Variants in GCSAM observed in about 807,000 individuals in gnomAD.
GCSAM encodes the protein germinal center associated signaling and motility.
A neutral mutation model predicts 17.6 loss-of-function variants in GCSAM; 8 were observed. That is an observed-to-expected ratio of 0.46 (90% CI 0.27 to 0.82). The LOEUF is 0.82. GCSAM is among the 40% of genes least tolerant of loss of function. The pLI, the probability that GCSAM is intolerant of heterozygous loss-of-function variation, is 0.15. For missense variants in GCSAM, 192 were observed against 213.5 expected (o/e 0.90, Z 0.63); for synonymous variants, 68 against 69.0 (o/e 0.98, Z 0.07).
At chr3:112,127,243 C>T (rs981429204) in intron 3 of GCSAM, among the ~76,000 whole-genome samples, 7 of 152,158 alleles carry the variant, frequency 4.6e-5, no homozygotes, top group African/African-American at 1.4e-4. Context: ...TCTCTCTCTC[C>T]TCCTCTCTTT....
chr3:112,127,028 T>C lies in GCSAM; in HGVS notation c.149A>G (p.Lys50Arg), dbSNP rs769119036. 7 of 1,580,510 alleles carry C rather than the reference T, an allele frequency of 4.4e-6. No individual in the cohort carries two copies. In the South Asian group the frequency reaches 7.9e-5, roughly 18 times the overall value. Residue 50 changes from lysine to arginine, a missense_variant, in exon 4 of 6, where the codon AAA becomes AGA. Coordinates refer to ENST00000308910, the MANE Select transcript of GCSAM (RefSeq NM_152785.5). ...TTGCCTCTTTTCAAAAATGAGTATT[T>C]TTTTCCTGTAAAAGAAAAGCAAAGC... ...AEGCFCLPWK[K>R]ILIFEKRQDS...
In GCSAM at chr3:112,127,553, A is replaced by G. The variant is rs145283048; in HGVS notation, c.143+464T>C. On this transcript the variant is annotated intron_variant, in intron 3 of 5. Coordinates refer to ENST00000308910, the MANE Select transcript of GCSAM (RefSeq NM_152785.5). Reference sequence around the variant, plus strand: ...GAACATCTGCTGTGAGGGTAACCCTATGTCCTGGTTTGCCTCAGTCTGGTG... The same window carrying G: ...GAACATCTGCTGTGAGGGTAACCCTGTGTCCTGGTTTGCCTCAGTCTGGTG... Among the ~76,000 whole-genome samples, 358 of 152,328 alleles carry G rather than the reference A, an allele frequency of 2.4e-3. 10 individuals are homozygous for G. The South Asian group carries it at 0.032, about 14-fold the overall frequency.
chr3:112,123,719 A>T lies in GCSAM; in HGVS notation c.273T>A (p.His91Gln). 1 of 1,613,968 alleles carries T rather than the reference A, an allele frequency of 6.2e-7. No individual in the cohort carries two copies. Among genetic ancestry groups the T allele is most frequent in the Non-Finnish European group, 8.5e-7 (1 of 1,179,862 alleles). Residue 91 changes from histidine to glutamine, a missense_variant, in exon 6 of 6, where the codon CAT becomes CAA. By Grantham distance (24) the His-to-Gln change is conservative. Coordinates refer to ENST00000308910, the MANE Select transcript of GCSAM (RefSeq NM_152785.5). The part of the protein sequence containing the change: ...SEELCYTLIN[H>Q]RVLCTRPSGN... ...CTGATGGCCTTGTACAGAGAACCCG[A>T]TGATTGATGAGGGTATAGCACAGCT... is the stretch of plus-strand genomic sequence containing the variant.
chr3:112,123,797 T>C (rs1444005414), intron 5 of GCSAM, 25 bp from the exon 6 acceptor site: 1 of 1,597,144 alleles, frequency 6.3e-7, no homozygotes, highest in Non-Finnish European at 8.5e-7. Flanking sequence ...AGAACCATCA[T>C]CAAGATTTGG....
chr3:112,125,526 T>C (rs1369288320), intron 4 of GCSAM, among the ~76,000 whole-genome samples: 3 of 152,220 alleles, frequency 2.0e-5, no homozygotes, highest in Non-Finnish European at 4.4e-5. Flanking sequence ...CCAGCTCTCT[T>C]TCCCTCCTTA....
intron 1 of GCSAM, among the ~76,000 whole-genome samples, chr3:112,131,897 C>A (rs977799307): frequency 6.6e-6 from 1 of 152,088 alleles, no homozygotes; most frequent in African/African-American, 2.4e-5. Flanking sequence ...GTCCAAATAG[C>A]ATAAGATGTG....
chr3:112,132,428 A>G (rs752567077), intron 1 of GCSAM, among the ~76,000 whole-genome samples: 1 of 152,194 alleles, frequency 6.6e-6, no homozygotes, highest in African/African-American at 2.4e-5. Flanking sequence ...CGGCTTTGAT[A>G]TTAAGGAAGA....
intron 1 of GCSAM, chr3:112,132,623 T>A: frequency 1.0e-6 from 1 of 985,016 alleles, no homozygotes; most frequent in Non-Finnish European, 1.2e-6. Flanking sequence ...TTAATCTAGA[T>A]GACCTCTGCT....
At chr3:112,126,836 G>A in intron 4 of GCSAM, 151 bp downstream of exon 4, 1 of 655,194 alleles carries the variant, frequency 1.5e-6, no homozygotes, top group Non-Finnish European at 2.7e-6. Flanking sequence ...CATCTACTGA[G>A]GACAAAGGAC....
chr3:112,128,009 C>T lies in GCSAM; in HGVS notation c.143+8G>A, dbSNP rs779981321. 1.2e-6 allele frequency: 2 copies of T among 1,612,388 alleles called. No homozygotes were observed. The highest frequency in any genetic ancestry group is 2.2e-5 in the South Asian group (2 of 91,014). ...GGAAATAACTCCTAAAAACAACTGT[C>T]CACTCACCATGGAAGGCAGAAACAC... On this transcript the variant is annotated splice_region_variant and intron_variant, in intron 3 of 5. Coordinates refer to ENST00000308910, the MANE Select transcript of GCSAM (RefSeq NM_152785.5).
intron 4 of GCSAM, among the ~76,000 whole-genome samples, chr3:112,125,945 A>G (rs971007424): frequency 3.3e-5 from 5 of 152,196 alleles, no homozygotes; most frequent in Admixed American, 6.5e-5. Context: ...AAACACACCA[A>G]TTCCATAAAC....
intron 3 of GCSAM, 103 bp from the exon 4 acceptor site, chr3:112,127,136 T>C: frequency 1.4e-6 from 1 of 691,038 alleles, no homozygotes; most frequent in East Asian, 2.7e-5. Context: ...TAAAGTTATA[T>C]ACCTTTTATA....
At position 112,130,513 on chromosome 3, in the gene GCSAM, C is replaced by A; in HGVS notation, c.30G>T (p.Arg10Ser). Residue 10 changes from arginine to serine, a missense_variant and splice_region_variant, in exon 2 of 6, where the codon AGG (arginine) becomes AGT (serine). Transcript: ENST00000308910. Reference sequence around the variant, plus strand: ...GCATCTCTTGAGTGTTCTGCTGCCGCCTGAAACTCAACATATCAGAAACAG... The same window carrying A: ...GCATCTCTTGAGTGTTCTGCTGCCGACTGAAACTCAACATATCAGAAACAG... MGNSLLREN[R>S]RQQNTQEMPW... is the part of the protein sequence containing the mutation. The A allele has an allele frequency of 6.2e-7, 1 of 1,613,782 alleles. No individual in the cohort carries two copies. The highest frequency in any genetic ancestry group is 8.5e-7 in the Non-Finnish European group (1 of 1,179,734).
Position 112,130,668 on chromosome 3 carries a change from C to T in GCSAM, c.30-155G>A, listed in dbSNP as rs190960221. 2.1e-4 allele frequency: 139 copies of T among 675,952 alleles called. No individual in the cohort carries two copies. The African/African-American group carries it at 2.3e-3, about 11-fold the overall frequency. The allele number at this position is 675,952 out of a possible 1,614,324, so 41.9% of individuals were successfully genotyped here. Reference sequence around the variant, plus strand: ...CACATGTTAATACTGTTTCCTCAAGCACATGTCGCAAGCTACCTTTGATCT... The same window carrying T: ...CACATGTTAATACTGTTTCCTCAAGTACATGTCGCAAGCTACCTTTGATCT... On this transcript the variant is annotated intron_variant, in intron 1 of 5. Coordinates refer to ENST00000308910, the MANE Select transcript of GCSAM (RefSeq NM_152785.5).
chr3:112,126,965 T>C (rs766010608), intron 4 of GCSAM, 22 bp downstream of exon 4: 1 of 1,514,376 alleles, frequency 6.6e-7, no homozygotes, highest in Non-Finnish European at 9.1e-7. Flanking sequence ...AAAGTGAAAA[T>C]ACTAGGAAAT....
intron 1 of GCSAM, 122 bp downstream of exon 1, chr3:112,132,970 C>T (rs950528): frequency 0.4 from 393,949 of 980,384 alleles, 79,529 homozygotes; most frequent in Admixed American, 0.47. Context: ...TGGCAGTTTC[C>T]TTACCCAACT....
Position 112,130,458 on chromosome 3 carries a change from G to C in GCSAM, c.85C>G (p.Gln29Glu). The C allele has an allele frequency of 6.2e-7, 1 of 1,613,960 alleles. No individual in the cohort carries two copies. The highest frequency in any genetic ancestry group is 2.2e-5 in the East Asian group (1 of 44,872). ...PWNVRMQSPKQRTSRCWDHHI... is the reference protein window; with the variant it reads ...PWNVRMQSPKERTSRCWDHHI... ...TTTTGCTCTCACCTGGATGTTCTCT[G>C]TTTGGGGCTTTGCATTCTCACATTC... Residue 29 changes from glutamine to glutamate, a missense_variant, in exon 2 of 6, where the codon CAG becomes GAG. Physicochemically the swap from Gln to Glu is conservative, Grantham distance 29. Transcript: ENST00000308910.
In GCSAM at chr3:112,123,628, C is replaced by T; in HGVS notation, c.364G>A (p.Gly122Arg). Residue 122 changes from glycine (G) to arginine (R), a missense_variant, in exon 6 of 6, where the codon GGA becomes AGA. Coordinates refer to ENST00000308910, the MANE Select transcript of GCSAM (RefSeq NM_152785.5). ...AGTGAATACTCAGTCTCAGTTCCTC[C>T]CAAGGACTCTCTGGGTCTCTCAGCT... ...CKAERPRESL[G>R]GTETEYSLLH... 1 of 1,614,056 alleles carries T rather than the reference C, an allele frequency of 6.2e-7. No homozygotes were observed. The highest frequency in any genetic ancestry group is 1.1e-5 in the South Asian group (1 of 91,060).
chr3:112,127,123 TGTTA>T, intron 3 of GCSAM, 90 bp from the exon 4 acceptor site: 1 of 806,610 alleles, frequency 1.2e-6, no homozygotes, highest in Admixed American at 2.4e-5. Flanking sequence ...TTTAACTCTT[TGTTA>T]AAGTTATATA....
Sources: allele counts gnomAD v4.1 joint callset (sites outside exome capture counted in the v4.1 genomes callset), GRCh38; gene constraint gnomAD v4.1.1; transcripts MANE v1.5; gene names NCBI Gene and HGNC (gene_info 2026-07-23, HGNC 2026-07-21).